The following CNTN1 variants were observed in gnomAD, a reference collection of about 807,000 sequenced individuals.
The protein encoded by CNTN1 is contactin 1, also known as contactin-1.
In CNTN1, 38 loss-of-function variants were observed where a neutral mutation model predicts 126.4. The observed-to-expected ratio is 0.30, with a 90% CI of 0.23 to 0.39. CNTN1 has a LOEUF of 0.39. Among genes scored for constraint, CNTN1 ranks in the 10% least tolerant of loss-of-function variants. CNTN1 has a pLI of 1.00. For synonymous variants in CNTN1, 413 were observed against 422.6 expected (o/e 0.98, Z 0.28); for missense variants, 1,009 against 1,248.4 (o/e 0.81, Z 2.89).
intron 1 of CNTN1, among the ~76,000 whole-genome samples, chr12:40,790,959 G>A (rs1222772170): frequency 2.0e-5 from 3 of 152,024 alleles, no homozygotes; most frequent in Non-Finnish European, 2.9e-5. Flanking sequence ...GAATCCCTGC[G>A]TTTTAGTCTC....
chr12:40,822,767 G>C (rs1941493137), intron 1 of CNTN1, among the ~76,000 whole-genome samples: 4 of 151,870 alleles, frequency 2.6e-5, no homozygotes, highest in Admixed American at 2.6e-4. Context: ...TTTTATTTTA[G>C]AACCAGGGGC....
chr12:40,809,812 T>TCACACACACACA (rs1491201033), intron 1 of CNTN1, among the ~76,000 whole-genome samples: 9 of 42,056 alleles, frequency 2.1e-4, no homozygotes, highest in African/African-American at 5.3e-4. Flanking sequence ...TGAGACTCTG[T>TCACACACACACA]CTCACACACA....
At chr12:40,947,782 T>C (rs10784962) in intron 14 of CNTN1, among the ~76,000 whole-genome samples, 2,712 of 118,606 alleles carry the variant, frequency 0.023, 52 homozygotes, top group East Asian at 0.075. Flanking sequence ...TATATATATA[T>C]ACACACACAC....
At chr12:40,718,102 A>C (rs1293099514) in intron 1 of CNTN1, among the ~76,000 whole-genome samples, 2 of 152,170 alleles carry the variant, frequency 1.3e-5, no homozygotes, top group African/African-American at 4.8e-5. Context: ...AGTAATGTGC[A>C]TTCTCATTTG....
At chr12:40,840,646 T>C (rs1464615038) in intron 1 of CNTN1, among the ~76,000 whole-genome samples, 2 of 151,984 alleles carry the variant, frequency 1.3e-5, no homozygotes, top group Non-Finnish European at 2.9e-5. Context: ...ATCAAGTATC[T>C]TCTCAGACCA....
intron 23 of CNTN1, among the ~76,000 whole-genome samples, chr12:41,040,279 C>T (rs1285109396): frequency 6.6e-6 from 1 of 152,100 alleles, no homozygotes; most frequent in Non-Finnish European, 1.5e-5. Context: ...AGATTCATGG[C>T]TGGTCTGTGA....
At chr12:40,722,547 C>T (rs74344726) in intron 1 of CNTN1, among the ~76,000 whole-genome samples, 1 of 152,106 alleles carries the variant, frequency 6.6e-6, no homozygotes, top group Non-Finnish European at 1.5e-5. Context: ...ACTCCACTCT[C>T]AAACAGAGAG....
At chr12:40,778,776 G>A (rs1939685511) in intron 1 of CNTN1, among the ~76,000 whole-genome samples, 1 of 151,658 alleles carries the variant, frequency 6.6e-6, no homozygotes, top group Non-Finnish European at 1.5e-5. Flanking sequence ...ATAAGAAATT[G>A]GCTCTCAACG....
chr12:40,921,871 G>A (rs903682309), intron 4 of CNTN1, among the ~76,000 whole-genome samples: 2 of 152,092 alleles, frequency 1.3e-5, no homozygotes, highest in African/African-American at 4.8e-5. Flanking sequence ...TTTTATTTAT[G>A]GTAGAACAAT....
At chr12:41,045,922 A>T (rs1406904289) in intron 23 of CNTN1, among the ~76,000 whole-genome samples, 3 of 152,158 alleles carry the variant, frequency 2.0e-5, no homozygotes, top group African/African-American at 7.2e-5. Flanking sequence ...CTCAAAAGCA[A>T]ATAATCAGTC....
At chr12:40,901,637 T>C (rs1944611425) in intron 1 of CNTN1, among the ~76,000 whole-genome samples, 1 of 152,240 alleles carries the variant, frequency 6.6e-6, no homozygotes, top group Non-Finnish European at 1.5e-5. Flanking sequence ...CACATTCAAG[T>C]GACAGGCTGT....
intron 14 of CNTN1, among the ~76,000 whole-genome samples, chr12:40,957,293 A>C (rs1216892262): frequency 6.6e-6 from 1 of 151,940 alleles, no homozygotes; most frequent in Non-Finnish European, 1.5e-5. Context: ...AGAGAGAAGT[A>C]AGAGATTGGT....
rs114135195 is a variant in CNTN1 at position 40,783,915 on chromosome 12, C to G, written c.-77+91323C>G. The stretch of plus-strand genomic sequence containing the variant: ...TTACAAATTTCTTACCAATTAATTT[C>G]TTTATACTGACCATCTTCACTTGTA... On this transcript the variant is annotated intron_variant, in intron 1 of 23. Coordinates refer to ENST00000551295, the MANE Select transcript of CNTN1 (RefSeq NM_001843.4). Among the ~76,000 whole-genome samples, 1,507 of 152,224 alleles carry G rather than the reference C, an allele frequency of 9.9e-3. 32 individuals carry two copies. Among genetic ancestry groups the G allele is most frequent in the African/African-American group, 0.034 (1,428 of 41,570 alleles).
intron 1 of CNTN1, among the ~76,000 whole-genome samples, chr12:40,782,389 T>C (rs571788525): frequency 5.3e-5 from 8 of 152,076 alleles, no homozygotes; most frequent in Non-Finnish European, 1.0e-4. Context: ...CCTTATATAA[T>C]AGTCAAAACA....
At chr12:40,996,920 T>C (rs1043490482) in intron 17 of CNTN1, among the ~76,000 whole-genome samples, 3 of 152,216 alleles carry the variant, frequency 2.0e-5, no homozygotes, top group Non-Finnish European at 4.4e-5. Flanking sequence ...TGCCAGCATA[T>C]GCTATGTGGG....
At chr12:40,995,890 G>T (rs1177226452) in intron 17 of CNTN1, among the ~76,000 whole-genome samples, 2 of 152,142 alleles carry the variant, frequency 1.3e-5, no homozygotes, top group East Asian at 1.9e-4. Flanking sequence ...TTCTCTGTTT[G>T]CATTGCTTAA....
chr12:40,820,137 G>C (rs933793803), intron 1 of CNTN1, among the ~76,000 whole-genome samples: 23 of 152,170 alleles, frequency 1.5e-4, no homozygotes, highest in African/African-American at 5.6e-4. Context: ...GAAGGCAAAG[G>C]GGAACCAGCA....
intron 15 of CNTN1, chr12:40,978,657 T>C (rs1343036412): frequency 6.6e-6 from 1 of 152,196 alleles, no homozygotes; most frequent in Non-Finnish European, 1.5e-5. Flanking sequence ...AATGAGTGGA[T>C]GACTGAATTA....
At chr12:40,918,427 T>C (rs1945321635) in intron 3 of CNTN1, among the ~76,000 whole-genome samples, 1 of 152,110 alleles carries the variant, frequency 6.6e-6, no homozygotes, top group African/African-American at 2.4e-5. Flanking sequence ...CAACACATGG[T>C]ACATTTGGAA....
Sources: allele counts gnomAD v4.1 joint callset (sites outside exome capture counted in the v4.1 genomes callset), GRCh38; gene constraint gnomAD v4.1.1; transcripts MANE v1.5; gene names NCBI Gene and HGNC (gene_info 2026-07-23, HGNC 2026-07-21).